DEAF1: variants seen among roughly 807,000 people sequenced by gnomAD.
The protein encoded by DEAF1 is deformed epidermal autoregulatory factor 1 homolog.
Under a neutral mutation model 58.9 loss-of-function variants are expected in DEAF1, and 53 were observed. That is an observed-to-expected ratio of 0.90 (90% CI 0.72 to 1.13). The LOEUF (loss-of-function observed/expected upper bound fraction) is 1.13. Among genes scored for constraint, DEAF1 ranks in the 50% most tolerant of loss-of-function variants. The pLI is 0.00. For synonymous variants in DEAF1, 385 were observed against 340.4 expected (o/e 1.13, Z -1.44); for missense variants, 685 against 791.4 (o/e 0.87, Z 1.61).
At chr11:687,115 G>A in intron 4 of DEAF1, 118 bp from the exon 5 acceptor site, 2 of 1,457,078 alleles carry the variant, frequency 1.4e-6, no homozygotes, top group Non-Finnish European at 1.9e-6. Flanking sequence ...CGGCTCATGT[G>A]ATCTCACCCA....
At chr11:665,478 T>C (rs767129946) in intron 10 of DEAF1, among the ~76,000 whole-genome samples, 28 of 152,248 alleles carry the variant, frequency 1.8e-4, no homozygotes, top group South Asian at 4.1e-4. Context: ...ATGCACGGGA[T>C]GTTCACTGCA....
At chr11:648,562 C>T (rs1486349748) in intron 11 of DEAF1, among the ~76,000 whole-genome samples, 2 of 151,988 alleles carry the variant, frequency 1.3e-5, no homozygotes, top group South Asian at 2.1e-4. Context: ...GCTGGAGGTC[C>T]GGCTGGAAGG....
At chr11:662,726 G>A (rs545487518) in intron 10 of DEAF1, among the ~76,000 whole-genome samples, 1 of 152,098 alleles carries the variant, frequency 6.6e-6, no homozygotes, top group East Asian at 1.9e-4. Context: ...AGAACACAAC[G>A]GCCTTGCTCC....
intron 9 of DEAF1, among the ~76,000 whole-genome samples, chr11:678,075 A>G (rs542286031): frequency 6.6e-6 from 1 of 151,620 alleles, no homozygotes; most frequent in Non-Finnish European, 1.5e-5. Flanking sequence ...ACTTGAGGTC[A>G]GGAGTTCGAG....
At chr11:656,158 C>CTCTT (rs372871736) in intron 10 of DEAF1, among the ~76,000 whole-genome samples, 33,043 of 124,102 alleles carry the variant, frequency 0.27, 6,353 homozygotes, top group African/African-American at 0.56. Flanking sequence ...AAATGACAAA[C>CTCTT]TTTTTTTTTT....
intron 10 of DEAF1, among the ~76,000 whole-genome samples, chr11:670,756 T>C (rs540589747): frequency 1.4e-4 from 14 of 99,990 alleles, no homozygotes; most frequent in Non-Finnish European, 1.6e-4. Flanking sequence ...CCTTTTTAAT[T>C]TCTTTTTTCT....
chr11:673,373 A>G (rs978440921), intron 10 of DEAF1, among the ~76,000 whole-genome samples: 1 of 150,474 alleles, frequency 6.6e-6, no homozygotes, highest in African/African-American at 2.4e-5. Context: ...CCAAAAATAC[A>G]GAAAATTAGC....
At chr11:687,182 C>G (rs887425492) in intron 4 of DEAF1, among the ~76,000 whole-genome samples, 185 bp from the exon 5 acceptor site, 7 of 152,262 alleles carry the variant, frequency 4.6e-5, no homozygotes, top group Admixed American at 3.3e-4. Flanking sequence ...GCCTGTGCCT[C>G]TGACCCCCTA....
chr11:652,507 G>A (rs1470399994), intron 11 of DEAF1, among the ~76,000 whole-genome samples: 1 of 152,100 alleles, frequency 6.6e-6, no homozygotes, highest in Non-Finnish European at 1.5e-5. Flanking sequence ...GGGTGGAGGT[G>A]CATGCCTGTA....
At chr11:653,083 C>CCA (rs1858857807) in intron 11 of DEAF1, among the ~76,000 whole-genome samples, 2 of 62,274 alleles carry the variant, frequency 3.2e-5, no homozygotes, top group African/African-American at 1.4e-4. Context: ...GACTCTGTCT[C>CCA]AAAAAAAAAA....
At chr11:646,824 A>C (rs1858519802) in intron 11 of DEAF1, among the ~76,000 whole-genome samples, 1 of 152,212 alleles carries the variant, frequency 6.6e-6, no homozygotes, top group African/African-American at 2.4e-5. Context: ...AACGGAAAAA[A>C]ATGGTTAAAT....
At chr11:695,636 C>T, upstream of DEAF1, 4 of 1,245,146 alleles carry the variant, frequency 3.2e-6, no homozygotes, top group Non-Finnish European at 4.0e-6. Flanking sequence ...TTCTCCACCT[C>T]TTCCCTTCCG....
chr11:677,305 C>T lies in DEAF1; in HGVS notation c.1255+1389G>A, dbSNP rs531829548. On this transcript the variant is annotated intron_variant, in intron 9 of 11. Coordinates refer to ENST00000382409, the MANE Select transcript of DEAF1 (RefSeq NM_021008.4). ...CACAAGGTCAAGAGATCAAGACCAT[C>T]CTGGCCAACACGGTGAAACCCCATC... 1.1e-4 allele frequency among the ~76,000 whole-genome samples: 17 copies of T among 150,550 alleles called. No homozygotes were observed. In the South Asian group the frequency reaches 3.4e-3, roughly 30 times the overall value.
At chr11:700,540 A>AAT (rs1861402980) in intron 1 of DEAF1, 8 of 1,193,912 alleles carry the variant, frequency 6.7e-6, no homozygotes, top group Non-Finnish European at 9.8e-6. Context: ...AAAAAAAAAA[A>AAT]GGAAAAGGCA....
chr11:686,819 G>C (rs1388817419), intron 5 of DEAF1, 39 bp downstream of exon 5: 13 of 1,613,282 alleles, frequency 8.1e-6, no homozygotes, highest in African/African-American at 1.3e-5. Flanking sequence ...CCCCACGTCT[G>C]AACTGTGTGC....
chr11:704,871 A>C (rs1861649393), intron 1 of DEAF1: 21 of 356,908 alleles, frequency 5.9e-5, no homozygotes, highest in South Asian at 4.2e-4. Flanking sequence ...CCTGTTTCCC[A>C]CTTGGCCACT....
Position 644,549 on chromosome 11 carries a change from C to T in DEAF1, c.*1G>A. On this transcript the variant is annotated 3_prime_UTR_variant, in exon 12 of 12. Coordinates refer to ENST00000382409, the MANE Select transcript of DEAF1 (RefSeq NM_021008.4). This position sits in a 1 kb window ranked among gnomAD's most constrained non-coding sequence, Gnocchi z 4.3. ...CAGCTCCCAGGGCGGCCGATGGAGC[C>T]TCACACGGTCACCTTCTCCATCACG... 4 of 1,612,138 alleles carry T rather than the reference C, an allele frequency of 2.5e-6. No homozygotes were observed. Among genetic ancestry groups the T allele is most frequent in the Non-Finnish European group, 3.4e-6 (4 of 1,179,730 alleles).
intron 10 of DEAF1, among the ~76,000 whole-genome samples, chr11:668,641 G>A (rs1486861429): frequency 1.3e-5 from 2 of 152,090 alleles, no homozygotes; most frequent in Non-Finnish European, 2.9e-5. Context: ...TGGCAACACA[G>A]TGAGACCCTC....
intron 10 of DEAF1, among the ~76,000 whole-genome samples, chr11:668,954 C>T (rs1411886125): frequency 2.0e-5 from 3 of 152,112 alleles, no homozygotes; most frequent in African/African-American, 7.2e-5. Flanking sequence ...GCCTCCTGAG[C>T]AGCTGGGACT....
Sources: allele counts gnomAD v4.1 joint callset (sites outside exome capture counted in the v4.1 genomes callset), GRCh38; gene constraint gnomAD v4.1.1; non-coding constraint Gnocchi (gnomAD v3.1); transcripts MANE v1.5; gene names NCBI Gene and HGNC (gene_info 2026-07-23, HGNC 2026-07-21).